The following CUX2 variants were observed in gnomAD, a reference collection of about 807,000 sequenced individuals.
CUX2 encodes homeobox protein cut-like 2.
A neutral mutation model predicts 144.8 loss-of-function variants in CUX2; 40 were observed. The ratio of observed to expected loss-of-function variants is 0.28; its 90% CI spans 0.21 to 0.36. The LOEUF (loss-of-function observed/expected upper bound fraction) is 0.36. CUX2 is among the 10% of genes least tolerant of loss of function. The pLI is 1.00. For synonymous variants in CUX2, 827 were observed against 875.6 expected (o/e 0.94, Z 0.98); for missense variants, 1,615 against 1,994.0 (o/e 0.81, Z 3.62).
rs1377773790 is a variant in CUX2 at position 111,070,381 on chromosome 12, CTTCCTTCCTTCT to C, written c.63+36153_63+36164del. On this transcript the variant is annotated intron_variant, in intron 1 of 21. Coordinates refer to ENST00000261726, the MANE Select transcript of CUX2 (RefSeq NM_015267.4). ...CTCTCCCTCCCTCCCTCCCTTCTTC[CTTCCTTCCTTCT>C]TTCCTTCCTTCCTTCCTTCCTTCCT... is the stretch of plus-strand genomic sequence containing the variant. 3.5e-4 allele frequency among the ~76,000 whole-genome samples: 41 copies of C among 116,594 alleles called. 1 individual carries two copies. Among genetic ancestry groups the C allele is most frequent in the African/African-American group, 2.0e-3 (40 of 20,314 alleles). 76.5% of individuals were successfully genotyped at this position (116,594 alleles called of 152,430 possible). A position where few individuals can be genotyped will look rare whatever the true frequency, so the allele number is the denominator to read the frequency against.
At chr12:111,309,202 GCCAC>G (rs1455774840) in intron 14 of CUX2, among the ~76,000 whole-genome samples, 1 of 152,186 alleles carries the variant, frequency 6.6e-6, no homozygotes, top group African/African-American at 2.4e-5. Flanking sequence ...ACCGCACCCA[GCCAC>G]CCACTGAACT....
At chr12:111,254,993 G>A (rs1883742602) in intron 3 of CUX2, among the ~76,000 whole-genome samples, 1 of 152,254 alleles carries the variant, frequency 6.6e-6, no homozygotes, top group Middle Eastern at 3.4e-3. Flanking sequence ...GAGATTACAG[G>A]TACTCTCCTA....
At chr12:111,313,872 C>A (rs985828704) in intron 16 of CUX2, among the ~76,000 whole-genome samples, 1 of 152,162 alleles carries the variant, frequency 6.6e-6, no homozygotes, top group Non-Finnish European at 1.5e-5. Flanking sequence ...CATCCTCACA[C>A]CCAGCACAGC....
intron 1 of CUX2, among the ~76,000 whole-genome samples, chr12:111,038,185 A>G (rs1441443190): frequency 6.6e-6 from 1 of 152,232 alleles, no homozygotes; most frequent in Non-Finnish European, 1.5e-5. Flanking sequence ...TAACCTTATG[A>G]TATTCTGAAG....
intron 1 of CUX2, among the ~76,000 whole-genome samples, chr12:111,069,078 C>T (rs1446752197): frequency 1.3e-5 from 2 of 152,026 alleles, no homozygotes; most frequent in Non-Finnish European, 2.9e-5. Flanking sequence ...TGCATTCCAG[C>T]CTGGTGACAG....
rs1231405443 is a variant in CUX2 at position 111,287,834 on chromosome 12, G to T, written c.302-3584G>T. ...CGCCTTGTTCCAGCCGGACCTGAAG[G>T]CCCCATGTACAGGCATTGCCCCGTT... On this transcript the variant is annotated intron_variant, in intron 4 of 21. Coordinates refer to ENST00000261726, the MANE Select transcript of CUX2 (RefSeq NM_015267.4). The surrounding 1 kb of genome is among the most constrained non-coding windows in gnomAD (Gnocchi z 4.2). Among the ~76,000 whole-genome samples the T allele has an allele frequency of 6.6e-6, 1 of 152,240 alleles. No individual in the cohort carries two copies. Among genetic ancestry groups the T allele is most frequent in the African/African-American group, 2.4e-5 (1 of 41,464 alleles).
intron 1 of CUX2, among the ~76,000 whole-genome samples, chr12:111,091,201 C>T (rs1208513431): frequency 7.9e-5 from 12 of 152,234 alleles, no homozygotes; most frequent in Non-Finnish European, 1.8e-4. Context: ...CCAGCCAGGG[C>T]CAGGTGAGCG....
intron 3 of CUX2, among the ~76,000 whole-genome samples, chr12:111,233,827 G>A (rs140455216): frequency 3.9e-5 from 6 of 152,320 alleles, no homozygotes; most frequent in Non-Finnish European, 8.8e-5. Context: ...AAATGGGCTC[G>A]TTTCTGTTGT....
At position 111,257,100 on chromosome 12, in the gene CUX2, G is replaced by A. The variant is rs79664030; in HGVS notation, c.223-6661G>A. 4.6e-5 allele frequency among the ~76,000 whole-genome samples: 7 copies of A among 152,232 alleles called. No individual in the cohort carries two copies. The East Asian group carries it at 1.3e-3, about 29-fold the overall frequency. ...ACACATTGTCACCCCTCGTATCACA[G>A]TGGGCTGCGTAAATGCCATGTGCTT... On this transcript the variant is annotated intron_variant, in intron 3 of 21. Coordinates refer to ENST00000261726, the MANE Select transcript of CUX2 (RefSeq NM_015267.4).
At chr12:111,091,213 G>T (rs1038898489) in intron 1 of CUX2, among the ~76,000 whole-genome samples, 3 of 152,224 alleles carry the variant, frequency 2.0e-5, no homozygotes, top group Non-Finnish European at 4.4e-5. Flanking sequence ...AGGTGAGCGG[G>T]CACCATGGAC....
intron 16 of CUX2, among the ~76,000 whole-genome samples, chr12:111,317,654 A>G (rs1300949677): frequency 1.3e-5 from 2 of 152,140 alleles, no homozygotes; most frequent in African/African-American, 4.8e-5. Flanking sequence ...AAGGTTTTTC[A>G]CTAAATCATA....
intron 5 of CUX2, among the ~76,000 whole-genome samples, chr12:111,291,808 C>T (rs533521987): frequency 6.6e-6 from 1 of 152,184 alleles, no homozygotes; most frequent in African/African-American, 2.4e-5. Context: ...ATTAGTAAGA[C>T]TCATAGTGTG....
intron 9 of CUX2, among the ~76,000 whole-genome samples, chr12:111,301,873 C>T (rs1257026140): frequency 6.6e-6 from 1 of 152,232 alleles, no homozygotes; most frequent in Non-Finnish European, 1.5e-5. Flanking sequence ...GATGTCTAAA[C>T]ACATAAACCT....
chr12:111,311,480 G>C (rs1231372423), intron 15 of CUX2, among the ~76,000 whole-genome samples: 2 of 151,664 alleles, frequency 1.3e-5, no homozygotes, highest in African/African-American at 4.8e-5. Context: ...GTAGAGACAG[G>C]GTCTCACCAT....
intron 7 of CUX2, 65 bp from the exon 8 acceptor site, chr12:111,296,408 C>T: frequency 2.0e-6 from 3 of 1,467,298 alleles, no homozygotes; most frequent in Non-Finnish European, 2.8e-6. Context: ...GGCTCCACCT[C>T]CCTGGGAGAC....
intron 1 of CUX2, among the ~76,000 whole-genome samples, chr12:111,115,517 C>T (rs1169034120): frequency 6.6e-6 from 1 of 151,984 alleles, no homozygotes; most frequent in Non-Finnish European, 1.5e-5. Context: ...AATCTCCTGA[C>T]CTCGTCATCT....
At chr12:111,332,778 T>TTTA (rs1335779360) in intron 18 of CUX2, among the ~76,000 whole-genome samples, 3 of 152,242 alleles carry the variant, frequency 2.0e-5, no homozygotes, top group Admixed American at 1.3e-4. Context: ...TAGCCCTAAA[T>TTTA]GCTTCAACAA....
At chr12:111,141,227 A>AACACACACAC (rs111451932) in intron 1 of CUX2, among the ~76,000 whole-genome samples, 9 of 147,352 alleles carry the variant, frequency 6.1e-5, no homozygotes, top group African/African-American at 2.2e-4. Flanking sequence ...GGCTTAGGTC[A>AACACACACAC]ACACACACAC....
chr12:111,246,486 T>C lies in CUX2; in HGVS notation c.223-17275T>C, dbSNP rs1883285484. On this transcript the variant is annotated intron_variant, in intron 3 of 21. Transcript: ENST00000261726. This position sits in a 1 kb window ranked among gnomAD's most constrained non-coding sequence, Gnocchi z 4.0. ...CCTCTTTGTGTGATCAATGTGATTA[T>C]AATGGGGGAACGTGACACTACTGTG... 6.6e-6 allele frequency among the ~76,000 whole-genome samples: 1 copy of C among 152,192 alleles called. No individual in the cohort carries two copies. Among genetic ancestry groups the C allele is most frequent in the South Asian group, 2.1e-4 (1 of 4,832 alleles).
Sources: allele counts gnomAD v4.1 joint callset (sites outside exome capture counted in the v4.1 genomes callset), GRCh38; gene constraint gnomAD v4.1.1; non-coding constraint Gnocchi (gnomAD v3.1); transcripts MANE v1.5; gene names NCBI Gene and HGNC (gene_info 2026-07-23, HGNC 2026-07-21).